The following TTLL11 variants were observed in gnomAD, a reference collection of about 807,000 sequenced individuals.
TTLL11 encodes tubulin polyglutamylase TTLL11.
Under a neutral mutation model 51.7 loss-of-function variants are expected in TTLL11, and 42 were observed. The observed-to-expected ratio is 0.81, with a 90% CI of 0.64 to 1.05. TTLL11 has a LOEUF of 1.05. TTLL11 is among the 50% of genes least tolerant of loss of function. The probability of loss-of-function intolerance (pLI) is 0.00; values close to 1 mark genes in which losing one functional copy is unlikely to be tolerated. For missense variants in TTLL11, 799 were observed against 940.4 expected, an observed-to-expected ratio of 0.85 and a Z score of 1.97; for synonymous variants, 381 against 383.5, an observed-to-expected ratio of 0.99 and a Z score of 0.08.
At chr9:122,027,915 G>A (rs1196214858) in intron 3 of TTLL11, among the ~76,000 whole-genome samples, 1 of 152,136 alleles carries the variant, frequency 6.6e-6, no homozygotes, top group East Asian at 1.9e-4. Context: ...ACTTTTTAGA[G>A]CAAAAATAAT....
At chr9:121,861,702 G>A (rs1838018906) in intron 7 of TTLL11, among the ~76,000 whole-genome samples, 1 of 152,136 alleles carries the variant, frequency 6.6e-6, no homozygotes, top group African/African-American at 2.4e-5. Flanking sequence ...GTCATGCTCA[G>A]ATGACCCAAG....
chr9:121,915,528 C>A lies in TTLL11; in HGVS notation c.1482-44780G>T, dbSNP rs1392416322. Among the ~76,000 whole-genome samples, 4 of 152,156 alleles carry A rather than the reference C, an allele frequency of 2.6e-5. No homozygotes were observed. The East Asian group carries it at 5.8e-4, about 22-fold the overall frequency. On this transcript the variant is annotated intron_variant, in intron 6 of 8. Transcript: ENST00000321582. The stretch of plus-strand genomic sequence containing the variant: ...ATTGCTTAGATAGATGCCTGTCCTT[C>A]CTAAAATACTAGAAGTTTCTTTCTT...
chr9:122,082,569 A>G (rs1361525199), intron 1 of TTLL11, among the ~76,000 whole-genome samples: 1 of 152,118 alleles, frequency 6.6e-6, no homozygotes, highest in Non-Finnish European at 1.5e-5. Flanking sequence ...AATAGCAAAG[A>G]AAACACATAG....
chr9:122,012,037 C>G (rs979526575), intron 3 of TTLL11, among the ~76,000 whole-genome samples: 1 of 152,196 alleles, frequency 6.6e-6, no homozygotes, highest in Non-Finnish European at 1.5e-5. Context: ...ATTCAAATCT[C>G]TACTTTGCTT....
chr9:122,070,123 T>C (rs1482714720), intron 1 of TTLL11, among the ~76,000 whole-genome samples: 1 of 151,706 alleles, frequency 6.6e-6, no homozygotes, highest in African/African-American at 2.4e-5. Flanking sequence ...GAGCAACATA[T>C]AGAGGGAGGG....
chr9:121,934,040 A>G (rs1350569732), intron 6 of TTLL11, among the ~76,000 whole-genome samples: 1 of 152,114 alleles, frequency 6.6e-6, no homozygotes, highest in Non-Finnish European at 1.5e-5. Context: ...GACCAGCCTA[A>G]CCAACATAGA....
intron 3 of TTLL11, among the ~76,000 whole-genome samples, chr9:122,025,969 T>C (rs966219795): frequency 5.3e-5 from 8 of 152,310 alleles, no homozygotes; most frequent in Non-Finnish European, 1.0e-4. Flanking sequence ...GAAGTATTGA[T>C]ACATACTACA....
chr9:122,005,381 A>C (rs1480784308), intron 3 of TTLL11, among the ~76,000 whole-genome samples: 1 of 152,104 alleles, frequency 6.6e-6, no homozygotes, highest in Non-Finnish European at 1.5e-5. Context: ...CAGTTTCCTT[A>C]TCTGTACGAT....
chr9:121,987,885 A>G (rs998184969), intron 4 of TTLL11, among the ~76,000 whole-genome samples: 1 of 151,830 alleles, frequency 6.6e-6, no homozygotes, highest in African/African-American at 2.4e-5. Context: ...TCTGTCCCCA[A>G]CCCAGGCCTC....
chr9:121,926,225 A>ATT (rs1247405231), intron 6 of TTLL11, among the ~76,000 whole-genome samples: 3 of 152,156 alleles, frequency 2.0e-5, no homozygotes, highest in Non-Finnish European at 4.4e-5. Flanking sequence ...CACAGCCAGA[A>ATT]CTGGCCCTGG....
At chr9:122,030,460 TAC>T (rs1844503585) in intron 3 of TTLL11, among the ~76,000 whole-genome samples, 1 of 152,212 alleles carries the variant, frequency 6.6e-6, no homozygotes, top group African/African-American at 2.4e-5. Context: ...ACCAAAACAA[TAC>T]AGAGGCAATA....
At position 121,853,457 on chromosome 9, in the gene TTLL11, T is replaced by A. The variant is rs1175375762; in HGVS notation, c.1840+6880A>T. Among the ~76,000 whole-genome samples the A allele has an allele frequency of 2.3e-5, 3 of 133,158 alleles. No individual in the cohort carries two copies. Among genetic ancestry groups the A allele is most frequent in the Non-Finnish European group, 3.2e-5 (2 of 62,084 alleles). 87.4% of individuals were successfully genotyped at this position (133,158 alleles called of 152,430 possible). On this transcript the variant is annotated intron_variant, in intron 8 of 8. Coordinates refer to ENST00000321582, the MANE Select transcript of TTLL11 (RefSeq NM_001139442.2). The surrounding 1 kb of genome is among the most constrained non-coding windows in gnomAD (Gnocchi z 5.6). ...GGTGGTGGTGAGCAAGGAGAGGGGG[T>A]TCCTGCAGAGGTGGGGGCCTGAGGG... is the stretch of plus-strand genomic sequence containing the variant.
At chr9:121,926,557 C>T (rs1840743270) in intron 6 of TTLL11, among the ~76,000 whole-genome samples, 1 of 152,178 alleles carries the variant, frequency 6.6e-6, no homozygotes, top group Admixed American at 6.5e-5. Context: ...GGCCCTGTGG[C>T]ATAGACGAGG....
At chr9:121,859,646 G>C (rs1008023686) in intron 8 of TTLL11, among the ~76,000 whole-genome samples, 4 of 152,212 alleles carry the variant, frequency 2.6e-5, no homozygotes, top group Non-Finnish European at 4.4e-5. Flanking sequence ...ATTTTCTTGT[G>C]TGGCATTCAA....
intron 6 of TTLL11, among the ~76,000 whole-genome samples, chr9:121,882,924 G>A (rs1172717659): frequency 6.6e-6 from 1 of 152,134 alleles, no homozygotes; most frequent in African/African-American, 2.4e-5. Context: ...CTCTGAGTTT[G>A]CCAGAAATAG....
intron 3 of TTLL11, among the ~76,000 whole-genome samples, chr9:122,023,144 G>A (rs1275054631): frequency 6.6e-6 from 1 of 151,876 alleles, no homozygotes; most frequent in Non-Finnish European, 1.5e-5. Context: ...TAAAGGTAAA[G>A]GCAGATTACT....
At chr9:122,009,171 G>C (rs183078065) in intron 3 of TTLL11, among the ~76,000 whole-genome samples, 1 of 152,264 alleles carries the variant, frequency 6.6e-6, no homozygotes, top group East Asian at 1.9e-4. Context: ...TACTAAGAGA[G>C]TAGATATTAA....
Position 122,049,728 on chromosome 9 carries a change from T to C in TTLL11, c.463-10360A>G, listed in dbSNP as rs1588238528. Among the ~76,000 whole-genome samples, 3 of 152,274 alleles carry C rather than the reference T, an allele frequency of 2.0e-5. No homozygotes were observed. The East Asian group carries it at 5.8e-4, about 29-fold the overall frequency. On this transcript the variant is annotated intron_variant, in intron 1 of 8. Transcript: ENST00000321582. ...AAGGAATTGATGTTCGGGTCCCTCT[T>C]CTAATGGCCCAAAGAGAAATTTCAA...
intron 6 of TTLL11, among the ~76,000 whole-genome samples, chr9:121,921,299 T>C (rs115923513): frequency 6.6e-6 from 1 of 152,334 alleles, no homozygotes; most frequent in African/African-American, 2.4e-5. Context: ...GAAGTATTCA[T>C]ATCACAAGGC....
Sources: allele counts gnomAD v4.1 joint callset (sites outside exome capture counted in the v4.1 genomes callset), GRCh38; gene constraint gnomAD v4.1.1; non-coding constraint Gnocchi (gnomAD v3.1); transcripts MANE v1.5; gene names NCBI Gene and HGNC (gene_info 2026-07-23, HGNC 2026-07-21).